EXD1: variants seen among roughly 807,000 people sequenced by gnomAD.
EXD1 encodes piRNA biogenesis protein EXD1.
A neutral mutation model predicts 49.1 loss-of-function variants in EXD1; 63 were observed. The ratio of observed to expected loss-of-function variants is 1.28; its 90% CI spans 1.05 to 1.58. EXD1 has a LOEUF of 1.58. Among genes scored for constraint, EXD1 ranks in the 40% most tolerant of loss-of-function variants. EXD1 has a pLI of 0.00. For synonymous variants in EXD1, 234 were observed against 239.2 expected (o/e 0.98, Z 0.20); for missense variants, 748 against 666.0 (o/e 1.12, Z -1.36).
At chr15:41,208,828 G>T (rs2046875722) in intron 7 of EXD1, among the ~76,000 whole-genome samples, 1 of 151,908 alleles carries the variant, frequency 6.6e-6, no homozygotes, top group Non-Finnish European at 1.5e-5. Flanking sequence ...AAAATGATGT[G>T]GTGAGAAACC....
At chr15:41,190,233 G>A (rs779489621) in intron 10 of EXD1, 105 bp from the exon 11 acceptor site, 8 of 1,194,202 alleles carry the variant, frequency 6.7e-6, no homozygotes, top group Non-Finnish European at 9.7e-6. Flanking sequence ...CCAGCACTCT[G>A]GGAGGCTGAG....
intron 7 of EXD1, among the ~76,000 whole-genome samples, chr15:41,196,621 G>C (rs969960282): frequency 1.3e-4 from 19 of 151,622 alleles, no homozygotes; most frequent in African/African-American, 4.1e-4. Context: ...CAGTGAGAAA[G>C]GGTTTCACCA....
At chr15:41,188,676 G>A (rs1480452508) in intron 11 of EXD1, among the ~76,000 whole-genome samples, 1 of 151,826 alleles carries the variant, frequency 6.6e-6, no homozygotes. Flanking sequence ...ACAGGTATGA[G>A]CCACCGTACC....
At chr15:41,205,241 G>T (rs1459916448) in intron 7 of EXD1, among the ~76,000 whole-genome samples, 4 of 152,160 alleles carry the variant, frequency 2.6e-5, no homozygotes, top group Non-Finnish European at 5.9e-5. Flanking sequence ...CAGCTTCCAG[G>T]CTTGAGAAAA....
chr15:41,190,616 C>T (rs1373810857), intron 10 of EXD1, among the ~76,000 whole-genome samples: 2 of 152,218 alleles, frequency 1.3e-5, no homozygotes, highest in Non-Finnish European at 2.9e-5. Context: ...TGCACACATA[C>T]TCCTACATTA....
At chr15:41,213,309 C>G (rs1380226501) in intron 6 of EXD1, among the ~76,000 whole-genome samples, 2 of 151,812 alleles carry the variant, frequency 1.3e-5, no homozygotes, top group Non-Finnish European at 2.9e-5. Flanking sequence ...TCAAGCAATT[C>G]TCCTGCCTCA....
At position 41,184,608 on chromosome 15, in the gene EXD1, C is replaced by T. The variant is rs375799345; in HGVS notation, c.1057-15G>A. 47 of 1,549,010 alleles carry T rather than the reference C, an allele frequency of 3.0e-5. No homozygotes were observed. The highest frequency in any genetic ancestry group is 2.4e-4 in the African/African-American group (17 of 71,924). On this transcript the variant is annotated splice_polypyrimidine_tract_variant and intron_variant, in intron 11 of 11. Coordinates refer to ENST00000458580, the MANE Select transcript of EXD1 (RefSeq NM_001286441.2). ...ATACATGTAGGCTAAGAAGAGAAAG[C>T]GAACACAAGTTTATTATAACTAAAC...
At chr15:41,190,201 A>T (rs770050021) in intron 10 of EXD1, 73 bp from the exon 11 acceptor site, 5 of 1,505,516 alleles carry the variant, frequency 3.3e-6, no homozygotes, top group Non-Finnish European at 3.7e-6. Flanking sequence ...TAGGCTGGGC[A>T]CAGTGGCTCA....
intron 2 of EXD1, among the ~76,000 whole-genome samples, chr15:41,225,910 AC>A (rs1566996786): frequency 3.4e-5 from 5 of 145,230 alleles, no homozygotes; most frequent in East Asian, 2.0e-4. Flanking sequence ...ACAAAACAAA[AC>A]AAAAAAAACC....
chr15:41,195,123 G>A (rs1417818173), intron 9 of EXD1, among the ~76,000 whole-genome samples: 1 of 152,198 alleles, frequency 6.6e-6, no homozygotes, highest in Non-Finnish European at 1.5e-5. Flanking sequence ...CTAAGAGCTA[G>A]TAGAGGTTCA....
At chr15:41,192,089 C>A (rs7170049) in intron 9 of EXD1, 78,386 of 153,320 alleles carry the variant, frequency 0.51, 21,849 homozygotes, top group African/African-American at 0.75. Flanking sequence ...GTTCACCCTC[C>A]CTTAGGCAAC....
intron 1 of EXD1, among the ~76,000 whole-genome samples, chr15:41,229,379 G>C (rs1454684849): frequency 2.6e-5 from 4 of 152,138 alleles, no homozygotes; most frequent in African/African-American, 9.7e-5. Flanking sequence ...TCAGGAGGCT[G>C]AGGCATGATA....
chr15:41,199,052 C>T (rs1373314703), intron 7 of EXD1, among the ~76,000 whole-genome samples: 1 of 151,898 alleles, frequency 6.6e-6, no homozygotes, highest in African/African-American at 2.4e-5. Context: ...CAACCTCTGC[C>T]TCCTGGGAGC....
chr15:41,198,708 A>T lies in EXD1; in HGVS notation c.535-2671T>A, dbSNP rs200045126. Among the ~76,000 whole-genome samples the T allele has an allele frequency of 8.9e-3, 1,306 of 146,332 alleles. 14 individuals carry two copies. Among genetic ancestry groups the T allele is most frequent in the South Asian group, 0.065 (301 of 4,622 alleles). ...TCTTTTTATTTTTTAATTAAAAAAA[A>T]TTTTTTTTTTTTTTAAGACAGAGTT... On this transcript the variant is annotated intron_variant, in intron 7 of 11. Coordinates refer to ENST00000458580, the MANE Select transcript of EXD1 (RefSeq NM_001286441.2).
intron 7 of EXD1, among the ~76,000 whole-genome samples, chr15:41,197,768 G>A (rs1048552415): frequency 3.3e-5 from 5 of 150,200 alleles, no homozygotes; most frequent in African/African-American, 1.2e-4. Flanking sequence ...GGATTACAGG[G>A]ACCCGCCACC....
intron 6 of EXD1, among the ~76,000 whole-genome samples, chr15:41,210,601 G>A (rs1411752780): frequency 2.0e-5 from 3 of 151,790 alleles, no homozygotes; most frequent in Admixed American, 6.6e-5. Context: ...AAAGTGGGAG[G>A]ATCACTTGAG....
chr15:41,206,396 AGAGGCAGAGATGCAGTACAGT>A (rs1265280575), intron 7 of EXD1, among the ~76,000 whole-genome samples: 3 of 148,750 alleles, frequency 2.0e-5, no homozygotes, highest in African/African-American at 7.4e-5. Context: ...CTTGAACCTG[AGAGGCAGAGATGCAGTACAGT>A]GAGCCAAGAG....
intron 2 of EXD1, among the ~76,000 whole-genome samples, chr15:41,220,753 A>T (rs2047075720): frequency 6.6e-6 from 1 of 152,146 alleles, no homozygotes; most frequent in African/African-American, 2.4e-5. Flanking sequence ...GTCTTTTTCC[A>T]CACCTCTCAG....
intron 6 of EXD1, among the ~76,000 whole-genome samples, chr15:41,212,982 A>G (rs1352628992): frequency 1.3e-5 from 2 of 152,182 alleles, no homozygotes; most frequent in East Asian, 1.9e-4. Context: ...TCCAGGCTGC[A>G]GTGAACTCTG....
Sources: allele counts gnomAD v4.1 joint callset (sites outside exome capture counted in the v4.1 genomes callset), GRCh38; gene constraint gnomAD v4.1.1; transcripts MANE v1.5; gene names NCBI Gene and HGNC (gene_info 2026-07-23, HGNC 2026-07-21).